Variants in ARMC8 observed in about 807,000 individuals in gnomAD.
The protein encoded by ARMC8 is armadillo repeat-containing protein 8.
ARMC8 carries 20 observed loss-of-function variants against 99.3 expected under a neutral mutation model. The observed-to-expected ratio is 0.20, with a 90% confidence interval of 0.14 to 0.29. The LOEUF (loss-of-function observed/expected upper bound fraction) is 0.29. Ranked by LOEUF, ARMC8 falls within the 10% of genes least tolerant of loss-of-function variation. The pLI is 1.00. For missense variants in ARMC8, 569 were observed against 809.5 expected (o/e 0.70, Z 3.60); for synonymous variants, 263 against 278.3 (o/e 0.95, Z 0.55).
At chr3:138,206,844 G>T (rs1296911377) in intron 1 of ARMC8, among the ~76,000 whole-genome samples, 2 of 152,206 alleles carry the variant, frequency 1.3e-5, no homozygotes, top group Non-Finnish European at 2.9e-5. Flanking sequence ...CTTGCTTGCT[G>T]TCTGAGCAAC....
At chr3:138,254,145 TTATG>T (rs1290890970) in intron 12 of ARMC8, among the ~76,000 whole-genome samples, 3 of 152,206 alleles carry the variant, frequency 2.0e-5, no homozygotes, top group Admixed American at 1.3e-4. Flanking sequence ...AGTATCCAGA[TTATG>T]TATCAAGGTG....
chr3:138,205,685 C>A (rs1447714348), intron 1 of ARMC8, among the ~76,000 whole-genome samples: 1 of 152,128 alleles, frequency 6.6e-6, no homozygotes, highest in East Asian at 1.9e-4. Flanking sequence ...CGCCTGTAAT[C>A]CCAGCACTCT....
chr3:138,218,297 A>G (rs544595197), intron 2 of ARMC8, among the ~76,000 whole-genome samples: 21 of 152,162 alleles, frequency 1.4e-4, no homozygotes, highest in African/African-American at 4.6e-4. Context: ...CATTCAGCTT[A>G]TTTTCCTTAG....
intron 14 of ARMC8, among the ~76,000 whole-genome samples, chr3:138,266,295 C>T (rs78808114): frequency 0.022 from 3,275 of 152,206 alleles, 99 homozygotes; most frequent in African/African-American, 0.072. Flanking sequence ...CTCTACTCTC[C>T]AGCTACAGTA....
Position 138,214,835 on chromosome 3 carries a change from G to A in ARMC8, c.122+4942G>A, listed in dbSNP as rs749155963. The stretch of plus-strand genomic sequence containing the variant: ...TGCACAGCTAATTTTTGTATTTTTA[G>A]TAGAGACAAGGTTTTGCCCTGTTAG... On this transcript the variant is annotated intron_variant, in intron 2 of 21. Coordinates refer to ENST00000469044, the MANE Select transcript of ARMC8 (RefSeq NM_001363941.2). 8.7e-4 allele frequency among the ~76,000 whole-genome samples: 133 copies of A among 152,170 alleles called. No homozygotes were observed. In the Middle Eastern group the frequency reaches 0.01, roughly 12 times the overall value.
At chr3:138,235,399 A>G (rs1319602318) in intron 7 of ARMC8, among the ~76,000 whole-genome samples, 1 of 152,248 alleles carries the variant, frequency 6.6e-6, no homozygotes, top group African/African-American at 2.4e-5. Context: ...TGATGCCTTG[A>G]AGTATAGAAG....
chr3:138,222,353 C>G (rs1376708094), intron 3 of ARMC8, among the ~76,000 whole-genome samples: 1 of 152,132 alleles, frequency 6.6e-6, no homozygotes, highest in Admixed American at 6.5e-5. Flanking sequence ...TATTAGGAGC[C>G]TTAAGACCTT....
chr3:138,274,347 A>T, intron 17 of ARMC8, 102 bp from the exon 18 acceptor site: 1 of 733,492 alleles, frequency 1.4e-6, no homozygotes, highest in Non-Finnish European at 2.3e-6. Flanking sequence ...AGTGTTTTGC[A>T]TGAAGCAGTT....
chr3:138,189,014 T>C lies in ARMC8; in HGVS notation c.45+1415T>C, dbSNP rs181125425. ...CAGGCCAATGACTTTTACCTCATTA[T>C]GTTAAAAAAAAATAGTATGTGTCTT... On this transcript the variant is annotated intron_variant, in intron 1 of 21. Coordinates refer to ENST00000469044, the MANE Select transcript of ARMC8 (RefSeq NM_001363941.2). Among the ~76,000 whole-genome samples, 228 of 152,194 alleles carry C rather than the reference T, an allele frequency of 1.5e-3. 1 individual carries two copies. The highest frequency in any genetic ancestry group is 5.2e-3 in the African/African-American group (215 of 41,562).
At position 138,209,807 on chromosome 3, in the gene ARMC8, C is replaced by T. The variant is rs1040509518; in HGVS notation, c.46-10C>T. 2.5e-6 allele frequency: 4 copies of T among 1,612,734 alleles called. No individual in the cohort carries two copies. Among genetic ancestry groups the T allele is most frequent in the East Asian group, 4.5e-5 (2 of 44,838 alleles). The stretch of plus-strand genomic sequence containing the variant: ...CTTCAGATGTCATAATTTTTCCCCC[C>T]ACTTTCTAGGAAGTAACAGCTAGCA... On this transcript the variant is annotated splice_polypyrimidine_tract_variant and intron_variant, in intron 1 of 21. Coordinates refer to ENST00000469044, the MANE Select transcript of ARMC8 (RefSeq NM_001363941.2).
intron 12 of ARMC8, among the ~76,000 whole-genome samples, chr3:138,251,933 C>T (rs2047138474): frequency 6.6e-6 from 1 of 151,986 alleles, no homozygotes; most frequent in African/African-American, 2.4e-5. Context: ...TTTATTAGAT[C>T]TGTAAATCTA....
At chr3:138,215,451 C>T (rs1489798715) in intron 2 of ARMC8, among the ~76,000 whole-genome samples, 1 of 152,060 alleles carries the variant, frequency 6.6e-6, no homozygotes, top group Non-Finnish European at 1.5e-5. Context: ...CTCCTGATCT[C>T]GTGATCCACC....
chr3:138,261,617 A>G (rs1289882444), intron 12 of ARMC8: 1 of 152,230 alleles, frequency 6.6e-6, no homozygotes, highest in African/African-American at 2.4e-5. Context: ...TATTGTATAT[A>G]TGCCCATTTA....
At chr3:138,262,613 A>G in intron 12 of ARMC8, 1 of 1,497,218 alleles carries the variant, frequency 6.7e-7, no homozygotes, top group African/African-American at 1.4e-5. Context: ...AAAAAAAAAA[A>G]TTTAGGTGCC....
In ARMC8 at chr3:138,284,539, C is replaced by T. The variant is rs763955783; in HGVS notation, c.1821+13C>T. 2 of 1,564,236 alleles carry T rather than the reference C, an allele frequency of 1.3e-6. No individual in the cohort carries two copies. The highest frequency in any genetic ancestry group is 1.8e-6 in the Non-Finnish European group (2 of 1,134,854). ...CAAGTATTACATGGTGAGCCCTTGT[C>T]CCCTTTCACCGTAGGATTAGAATGC... On this transcript the variant is annotated intron_variant, in intron 19 of 21. Transcript: ENST00000469044.
At chr3:138,253,130 T>TA (rs1450582843) in intron 12 of ARMC8, among the ~76,000 whole-genome samples, 1 of 152,184 alleles carries the variant, frequency 6.6e-6, no homozygotes, top group Non-Finnish European at 1.5e-5. Context: ...GTTCACTTAT[T>TA]AAGCAAATAT....
At chr3:138,273,600 T>G (rs2048984432) in intron 17 of ARMC8, among the ~76,000 whole-genome samples, 1 of 152,222 alleles carries the variant, frequency 6.6e-6, no homozygotes, top group Non-Finnish European at 1.5e-5. Flanking sequence ...TAGGAGAGGC[T>G]GAGCCTTGCT....
chr3:138,263,988 C>A, intron 13 of ARMC8, 143 bp from the exon 14 acceptor site: 1 of 948,884 alleles, frequency 1.1e-6, no homozygotes. Context: ...GGCCTCCAAA[C>A]CCCATAAAGT....
intron 13 of ARMC8, 51 bp downstream of exon 13, chr3:138,263,872 T>A: frequency 6.5e-7 from 1 of 1,526,810 alleles, no homozygotes; most frequent in African/African-American, 1.4e-5. Context: ...ATATTTAACC[T>A]GTTTCCTTTC....
Sources: allele counts gnomAD v4.1 joint callset (sites outside exome capture counted in the v4.1 genomes callset), GRCh38; gene constraint gnomAD v4.1.1; transcripts MANE v1.5; gene names NCBI Gene and HGNC (gene_info 2026-07-23, HGNC 2026-07-21).